Variants in THSD7B observed in about 807,000 individuals in gnomAD.
THSD7B encodes thrombospondin type-1 domain-containing protein 7B.
In THSD7B, 138 loss-of-function variants were observed where a neutral mutation model predicts 213.6. That is an observed-to-expected ratio of 0.65 (90% CI 0.56 to 0.74). The LOEUF is 0.74. Ranked by LOEUF, THSD7B falls within the 30% of genes least tolerant of loss-of-function variation. The pLI, the probability that THSD7B is intolerant of heterozygous loss-of-function variation, is 0.00. For synonymous variants in THSD7B, 742 were observed against 687.0 expected (o/e 1.08, Z -1.25); for missense variants, 1,931 against 1,991.5 (o/e 0.97, Z 0.58).
chr2:137,445,165 C>A (rs1218819034), intron 14 of THSD7B, among the ~76,000 whole-genome samples: 1 of 151,830 alleles, frequency 6.6e-6, no homozygotes, highest in Admixed American at 6.6e-5. Context: ...GGTAGGAATG[C>A]AAATTAGTAC....
At chr2:137,236,131 A>T (rs1330801353) in intron 9 of THSD7B, among the ~76,000 whole-genome samples, 2 of 152,222 alleles carry the variant, frequency 1.3e-5, no homozygotes, top group East Asian at 1.9e-4. Flanking sequence ...TTGCAGTGGG[A>T]AAAGATCCCC....
At chr2:137,314,954 C>T (rs562757347) in intron 12 of THSD7B, among the ~76,000 whole-genome samples, 1 of 152,342 alleles carries the variant, frequency 6.6e-6, no homozygotes, top group South Asian at 2.1e-4. Flanking sequence ...TTACTGTTGT[C>T]TTTTTGTTTG....
chr2:137,538,517 A>C (rs1680549325), intron 15 of THSD7B: 1 of 516,034 alleles, frequency 1.9e-6, no homozygotes, highest in African/African-American at 1.9e-5. Context: ...ATCTGTTTTG[A>C]TCTTTATTGT....
At chr2:137,279,702 C>T (rs1199017085) in intron 12 of THSD7B, among the ~76,000 whole-genome samples, 1 of 152,118 alleles carries the variant, frequency 6.6e-6, no homozygotes, top group Non-Finnish European at 1.5e-5. Context: ...TATGAAGAAG[C>T]TTCTGCTGTC....
intron 22 of THSD7B, among the ~76,000 whole-genome samples, chr2:137,656,392 C>T (rs578200742): frequency 1.6e-4 from 24 of 152,090 alleles, no homozygotes; most frequent in African/African-American, 5.5e-4. Flanking sequence ...AAAGATAGTT[C>T]ATTTCAGTGA....
At chr2:137,088,740 T>TACTA (rs898561309) in intron 3 of THSD7B, among the ~76,000 whole-genome samples, 31 of 151,756 alleles carry the variant, frequency 2.0e-4, no homozygotes, top group Non-Finnish European at 4.6e-4. Context: ...TGTGACAAAG[T>TACTA]ACTAATATCC....
At chr2:137,141,365 CAGATT>C in intron 5 of THSD7B, among the ~76,000 whole-genome samples, 1 of 152,144 alleles carries the variant, frequency 6.6e-6, no homozygotes, top group East Asian at 1.9e-4. Context: ...AAATAGACAG[CAGATT>C]AGAGGTAGCA....
intron 1 of THSD7B, among the ~76,000 whole-genome samples, chr2:136,881,942 C>A (rs980795387): frequency 9.9e-5 from 15 of 152,096 alleles, no homozygotes; most frequent in Admixed American, 3.9e-4. Flanking sequence ...CACTTCACTA[C>A]AAAAAATAAT....
intron 7 of THSD7B, among the ~76,000 whole-genome samples, chr2:137,225,658 A>G (rs751259176): frequency 4.9e-4 from 75 of 152,286 alleles, no homozygotes; most frequent in Non-Finnish European, 2.9e-4. Flanking sequence ...ACTGCATGTG[A>G]TGTGGTTAGC....
chr2:137,393,122 T>A lies in THSD7B; in HGVS notation c.2501-12491T>A, dbSNP rs372036157. Among the ~76,000 whole-genome samples, 19 of 151,752 alleles carry A rather than the reference T, an allele frequency of 1.3e-4. No homozygotes were observed. In the East Asian group the frequency reaches 3.5e-3, roughly 28 times the overall value. On this transcript the variant is annotated intron_variant, in intron 12 of 27. Transcript: ENST00000409968. ...GCTTGATCTTACTAGGTAAAAATTCTTGGCTGCAGGTTTTTTCTTCCAGCT... is the reference window on the plus strand; with the variant it reads ...GCTTGATCTTACTAGGTAAAAATTCATGGCTGCAGGTTTTTTCTTCCAGCT...
intron 6 of THSD7B, among the ~76,000 whole-genome samples, chr2:137,164,407 T>C (rs1289196290): frequency 6.6e-6 from 1 of 152,058 alleles, no homozygotes; most frequent in Non-Finnish European, 1.5e-5. Flanking sequence ...TGTGGAGAAA[T>C]AGGAACACTT....
At chr2:137,096,313 G>A (rs1688038167) in intron 4 of THSD7B, among the ~76,000 whole-genome samples, 3 of 152,126 alleles carry the variant, frequency 2.0e-5, no homozygotes, top group African/African-American at 7.2e-5. Flanking sequence ...GTGATTTGGT[G>A]ATGTGTGAAG....
intron 12 of THSD7B, among the ~76,000 whole-genome samples, chr2:137,315,307 A>C (rs1684063883): frequency 6.6e-6 from 1 of 152,172 alleles, no homozygotes; most frequent in Non-Finnish European, 1.5e-5. Context: ...TGACTCGGAA[A>C]GGGAACTCCC....
At chr2:137,552,881 A>G (rs2105208749) in intron 15 of THSD7B, among the ~76,000 whole-genome samples, 1 of 152,314 alleles carries the variant, frequency 6.6e-6, no homozygotes, top group African/African-American at 2.4e-5. Context: ...GTGGGGGGAA[A>G]GTGTGAGCCA....
At chr2:137,095,165 T>G in intron 4 of THSD7B, 44 bp downstream of exon 4, 1 of 1,602,884 alleles carries the variant, frequency 6.2e-7, no homozygotes, top group Non-Finnish European at 8.5e-7. Flanking sequence ...GAGGCATAAT[T>G]TAATGTTGTA....
chr2:137,452,071 C>A, intron 15 of THSD7B: 6 of 944,942 alleles, frequency 6.3e-6, no homozygotes, highest in Non-Finnish European at 7.6e-6. Context: ...CAATTCAAGA[C>A]CAATCTCTTT....
At chr2:137,590,696 A>G (rs1449490671) in intron 17 of THSD7B, among the ~76,000 whole-genome samples, 1 of 150,964 alleles carries the variant, frequency 6.6e-6, no homozygotes, top group Non-Finnish European at 1.5e-5. Context: ...ACAATGATTT[A>G]TAATTTCCTT....
At chr2:137,278,360 C>T (rs1682920464) in intron 12 of THSD7B, among the ~76,000 whole-genome samples, 1 of 152,042 alleles carries the variant, frequency 6.6e-6, no homozygotes, top group Non-Finnish European at 1.5e-5. Flanking sequence ...TCAACATCAG[C>T]ACTGGAAAGT....
intron 1 of THSD7B, among the ~76,000 whole-genome samples, chr2:136,838,294 G>C (rs1215365867): frequency 1.3e-5 from 2 of 152,088 alleles, no homozygotes; most frequent in East Asian, 3.9e-4. Context: ...GAAGGAGGAG[G>C]GGAGAGTTTG....
Sources: gnomAD v4.1 joint callset for allele counts (sites outside exome capture counted in the v4.1 genomes callset) on GRCh38, gnomAD v4.1.1 for gene constraint, MANE v1.5 for transcripts, NCBI Gene and HGNC (gene_info 2026-07-23, HGNC 2026-07-21) for gene names.